PTPRN2: variants seen among roughly 807,000 people sequenced by gnomAD.
PTPRN2 encodes receptor-type tyrosine-protein phosphatase N2.
In PTPRN2, 74 loss-of-function variants were observed where a neutral mutation model predicts 118.8. The ratio of observed to expected loss-of-function variants is 0.62; its 90% CI spans 0.52 to 0.76. The LOEUF (loss-of-function observed/expected upper bound fraction) is 0.76, where lower values mean the gene tolerates loss of function less well. Ranked by LOEUF, PTPRN2 falls within the 30% of genes least tolerant of loss-of-function variation. The pLI, the probability that PTPRN2 is intolerant of heterozygous loss-of-function variation, is 0.00. For missense variants in PTPRN2, 1,481 were observed against 1,394.4 expected, an observed-to-expected ratio of 1.06 and a Z score of -0.99; for synonymous variants, 641 against 608.0, an observed-to-expected ratio of 1.05 and a Z score of -0.80.
intron 12 of PTPRN2, among the ~76,000 whole-genome samples, chr7:157,697,841 A>G (rs1797879066): frequency 6.8e-6 from 1 of 148,102 alleles, no homozygotes; most frequent in South Asian, 2.2e-4. Flanking sequence ...ACCCATGCAT[A>G]CTGGATCTTG....
chr7:158,577,206 G>C (rs1443364749), intron 1 of PTPRN2, among the ~76,000 whole-genome samples: 1 of 125,374 alleles, frequency 8.0e-6, no homozygotes, highest in Non-Finnish European at 1.7e-5. Flanking sequence ...AGACAGCATG[G>C]GGCCTGCACA....
intron 11 of PTPRN2, among the ~76,000 whole-genome samples, chr7:158,002,067 G>A (rs964934029): frequency 1.3e-5 from 2 of 152,208 alleles, no homozygotes; most frequent in African/African-American, 2.4e-5. Flanking sequence ...CGGGTGACAT[G>A]GGGTGGCCCC....
intron 15 of PTPRN2, among the ~76,000 whole-genome samples, chr7:157,613,838 C>T (rs1802560988): frequency 6.6e-6 from 1 of 152,200 alleles, no homozygotes; most frequent in African/African-American, 2.4e-5. Flanking sequence ...GGCCGCCGTC[C>T]TGCGGCCCCC....
intron 2 of PTPRN2, among the ~76,000 whole-genome samples, chr7:158,396,431 TGC>T (rs774583400): frequency 1.7e-4 from 26 of 152,192 alleles, no homozygotes; most frequent in Non-Finnish European, 3.4e-4. Flanking sequence ...CACGTGTGTG[TGC>T]ATGAATGTGT....
At chr7:158,533,238 G>C (rs1478536138) in intron 1 of PTPRN2, among the ~76,000 whole-genome samples, 1 of 152,200 alleles carries the variant, frequency 6.6e-6, no homozygotes, top group Non-Finnish European at 1.5e-5. Context: ...ATCTTCCTCA[G>C]TGCACCCTCG....
At chr7:157,816,804 T>C (rs974267992) in intron 12 of PTPRN2, among the ~76,000 whole-genome samples, 4 of 152,224 alleles carry the variant, frequency 2.6e-5, no homozygotes, top group Non-Finnish European at 5.9e-5. Flanking sequence ...TGCGGCTCCC[T>C]GGCCCCCTCT....
intron 12 of PTPRN2, among the ~76,000 whole-genome samples, chr7:157,849,144 A>G (rs976409621): frequency 2.0e-5 from 3 of 152,198 alleles, no homozygotes; most frequent in African/African-American, 7.2e-5. Flanking sequence ...GCTGGTCTCC[A>G]GGGTGATGGA....
intron 9 of PTPRN2, among the ~76,000 whole-genome samples, chr7:158,119,406 T>C (rs1004678310): frequency 3.3e-5 from 5 of 152,188 alleles, no homozygotes; most frequent in African/African-American, 7.2e-5. Flanking sequence ...TGTGGCTAAA[T>C]TGGAACTCCT....
At chr7:157,707,318 C>G (rs1320758651) in intron 12 of PTPRN2, among the ~76,000 whole-genome samples, 1 of 152,094 alleles carries the variant, frequency 6.6e-6, no homozygotes, top group Non-Finnish European at 1.5e-5. Context: ...CACACACAAC[C>G]ACATTCACAC....
At chr7:158,309,908 C>CGCCCATGCAGGTGGGATTAGT (rs1801570226) in intron 3 of PTPRN2, among the ~76,000 whole-genome samples, 1 of 152,154 alleles carries the variant, frequency 6.6e-6, no homozygotes, top group African/African-American at 2.4e-5. Flanking sequence ...ATGAAGACGG[C>CGCCCATGCAGGTGGGATTAGT]GCCCATGCAG....
chr7:157,975,359 A>G (rs187585510), intron 11 of PTPRN2, among the ~76,000 whole-genome samples: 12 of 152,004 alleles, frequency 7.9e-5, no homozygotes, highest in African/African-American at 2.9e-4. Context: ...CTGTCTCCTC[A>G]TGTCTGAGAG....
intron 1 of PTPRN2, among the ~76,000 whole-genome samples, chr7:158,540,257 C>T (rs1421235138): frequency 6.6e-6 from 1 of 152,188 alleles, no homozygotes; most frequent in African/African-American, 2.4e-5. Context: ...AAGGCATCAC[C>T]CTCCCTTTTT....
chr7:158,308,426 G>A (rs1801458950), intron 3 of PTPRN2, among the ~76,000 whole-genome samples: 1 of 152,104 alleles, frequency 6.6e-6, no homozygotes, highest in Admixed American at 6.6e-5. Context: ...CACCAGTAAA[G>A]GTCATTATTT....
At chr7:157,879,398 TGCACGCACACGTGCACGC>T (rs1795988708) in intron 12 of PTPRN2, among the ~76,000 whole-genome samples, 1 of 148,716 alleles carries the variant, frequency 6.7e-6, no homozygotes, top group East Asian at 1.9e-4. Flanking sequence ...CACACACTCG[TGCACGCACACGTGCACGC>T]ACACACACAC....
At chr7:158,189,185 G>A (rs562216197) in intron 5 of PTPRN2, among the ~76,000 whole-genome samples, 9 of 152,302 alleles carry the variant, frequency 5.9e-5, no homozygotes, top group East Asian at 1.9e-4. Context: ...TGGATGTTGC[G>A]GCTGCTTGGC....
intron 2 of PTPRN2, among the ~76,000 whole-genome samples, chr7:158,478,720 C>A (rs1189674875): frequency 1.3e-5 from 2 of 152,094 alleles, no homozygotes; most frequent in African/African-American, 4.8e-5. Context: ...ACGAGAAACA[C>A]AACTTATAAA....
At chr7:158,107,796 A>T (rs899091066) in intron 10 of PTPRN2, among the ~76,000 whole-genome samples, 4 of 151,992 alleles carry the variant, frequency 2.6e-5, no homozygotes, top group Non-Finnish European at 1.5e-5. Context: ...TGCCCACAGC[A>T]GCCCATGAAC....
intron 11 of PTPRN2, among the ~76,000 whole-genome samples, chr7:157,941,062 G>A (rs202093451): frequency 2.4e-5 from 1 of 42,546 alleles, no homozygotes; most frequent in African/African-American, 7.2e-5. Flanking sequence ...ACTCTCCCCC[G>A]TGACACTGCA....
At chr7:157,834,047 A>G in intron 12 of PTPRN2, among the ~76,000 whole-genome samples, 1 of 152,244 alleles carries the variant, frequency 6.6e-6, no homozygotes, top group East Asian at 1.9e-4. Flanking sequence ...AGTACTTTCT[A>G]TCCGCCAATC....
Sources: gnomAD v4.1 joint callset for allele counts (sites outside exome capture counted in the v4.1 genomes callset) on GRCh38, gnomAD v4.1.1 for gene constraint, MANE v1.5 for transcripts, NCBI Gene and HGNC (gene_info 2026-07-23, HGNC 2026-07-21) for gene names.